Variants in PDGFC observed in about 807,000 individuals in gnomAD.
The protein encoded by PDGFC is platelet-derived growth factor C.
In PDGFC, 12 loss-of-function variants were observed where a neutral mutation model predicts 35.5. The observed-to-expected ratio is 0.34, with a 90% CI of 0.22 to 0.55. The LOEUF (loss-of-function observed/expected upper bound fraction) is 0.55, where lower values mean the gene tolerates loss of function less well. Ranked by LOEUF, PDGFC falls within the 20% of genes least tolerant of loss-of-function variation. PDGFC has a pLI of 0.91. For synonymous variants in PDGFC, 159 were observed against 148.8 expected, an observed-to-expected ratio of 1.07 and a Z score of -0.50; for missense variants, 322 against 412.4, an observed-to-expected ratio of 0.78 and a Z score of 1.90.
chr4:156,922,154 TAGTG>T, intron 1 of PDGFC, among the ~76,000 whole-genome samples: 1 of 86,598 alleles, frequency 1.2e-5, no homozygotes, highest in South Asian at 4.4e-4. Context: ...CAAGGATTCA[TAGTG>T]TGTGTGTGTG....
intron 2 of PDGFC, among the ~76,000 whole-genome samples, chr4:156,834,103 T>C (rs1729007612): frequency 6.6e-6 from 1 of 152,174 alleles, no homozygotes; most frequent in South Asian, 2.1e-4. Flanking sequence ...TTTTTCCTTC[T>C]TTGTATATTA....
chr4:156,940,607 T>C (rs1411604024), intron 1 of PDGFC, among the ~76,000 whole-genome samples: 1 of 152,124 alleles, frequency 6.6e-6, no homozygotes, highest in Non-Finnish European at 1.5e-5. Flanking sequence ...ATACCCAATG[T>C]CTAAGGTTCT....
intron 4 of PDGFC, among the ~76,000 whole-genome samples, chr4:156,770,855 G>A (rs1016028336): frequency 6.6e-6 from 1 of 152,112 alleles, no homozygotes; most frequent in Non-Finnish European, 1.5e-5. Flanking sequence ...TCTGAGGGTG[G>A]TCTTTCTAAG....
chr4:156,867,566 G>A (rs1369062491), intron 1 of PDGFC, among the ~76,000 whole-genome samples: 4 of 152,154 alleles, frequency 2.6e-5, no homozygotes, highest in Non-Finnish European at 2.9e-5. Context: ...CAATTCAAGA[G>A]TATTCATGTA....
chr4:156,807,170 T>C (rs1403011306), intron 3 of PDGFC, among the ~76,000 whole-genome samples: 1 of 152,056 alleles, frequency 6.6e-6, no homozygotes. Flanking sequence ...GACTGGAGAA[T>C]AATATTTCTA....
chr4:156,779,658 C>G (rs1348350570), intron 3 of PDGFC, among the ~76,000 whole-genome samples: 2 of 152,134 alleles, frequency 1.3e-5, no homozygotes, highest in Non-Finnish European at 2.9e-5. Flanking sequence ...GCTAATTTTG[C>G]CCAAAGTGTT....
intron 1 of PDGFC, among the ~76,000 whole-genome samples, chr4:156,903,714 G>C (rs1279409572): frequency 2.0e-5 from 3 of 152,124 alleles, no homozygotes; most frequent in African/African-American, 7.2e-5. Context: ...ATAAATCCAA[G>C]TGTGCAATTA....
intron 1 of PDGFC, among the ~76,000 whole-genome samples, chr4:156,955,879 C>CT (rs2110955182): frequency 6.6e-6 from 1 of 152,132 alleles, no homozygotes; most frequent in South Asian, 2.1e-4. Flanking sequence ...GCTTTGTACT[C>CT]TCTCACAAGT....
intron 1 of PDGFC, among the ~76,000 whole-genome samples, chr4:156,950,722 GA>G (rs1026907809): frequency 6.7e-6 from 1 of 150,372 alleles, no homozygotes; most frequent in African/African-American, 2.4e-5. Flanking sequence ...TGTTAAATCA[GA>G]AAAAAAATCT....
chr4:156,838,060 C>G (rs1175106175), intron 2 of PDGFC, among the ~76,000 whole-genome samples: 2 of 151,984 alleles, frequency 1.3e-5, no homozygotes, highest in Non-Finnish European at 2.9e-5. Context: ...TAACTACATT[C>G]AAAAGAGTTG....
chr4:156,928,623 C>T (rs563187002), intron 1 of PDGFC, among the ~76,000 whole-genome samples: 83 of 152,278 alleles, frequency 5.5e-4, no homozygotes, highest in Middle Eastern at 3.4e-3. Flanking sequence ...AGAGATATTG[C>T]ACCCCAATCC....
At chr4:156,908,102 G>A (rs926831360) in intron 1 of PDGFC, among the ~76,000 whole-genome samples, 4 of 152,114 alleles carry the variant, frequency 2.6e-5, no homozygotes, top group Admixed American at 2.0e-4. Flanking sequence ...GGAAGCGGAG[G>A]TTGCAGTGAG....
chr4:156,938,447 T>G (rs2110899278), intron 1 of PDGFC, among the ~76,000 whole-genome samples: 1 of 152,226 alleles, frequency 6.6e-6, no homozygotes, highest in South Asian at 2.1e-4. Context: ...CCCATAAAAC[T>G]TTATACATTT....
chr4:156,795,893 G>T (rs1395403625), intron 3 of PDGFC, among the ~76,000 whole-genome samples: 1 of 152,146 alleles, frequency 6.6e-6, no homozygotes, highest in Admixed American at 6.5e-5. Flanking sequence ...TAAAGCTGTA[G>T]ATTATATCTT....
At chr4:156,767,058 C>T (rs1730558375) in intron 5 of PDGFC, among the ~76,000 whole-genome samples, 1 of 152,006 alleles carries the variant, frequency 6.6e-6, no homozygotes, top group Non-Finnish European at 1.5e-5. Flanking sequence ...TTCAAGTTGA[C>T]TCATCAAGAA....
intron 1 of PDGFC, among the ~76,000 whole-genome samples, chr4:156,949,521 AG>A (rs1416991748): frequency 6.6e-6 from 1 of 151,788 alleles, no homozygotes; most frequent in Non-Finnish European, 1.5e-5. Context: ...AACTGGCCTC[AG>A]GAAATTATTA....
intron 1 of PDGFC, among the ~76,000 whole-genome samples, chr4:156,874,348 T>C (rs76692021): frequency 0.011 from 1,623 of 152,318 alleles, 23 homozygotes; most frequent in African/African-American, 0.037. Context: ...CTCTGTAATA[T>C]TTATTTGAAT....
At chr4:156,808,984 T>C (rs1254549556) in intron 3 of PDGFC, among the ~76,000 whole-genome samples, 1 of 152,060 alleles carries the variant, frequency 6.6e-6, no homozygotes, top group African/African-American at 2.4e-5. Flanking sequence ...CTTACACTTA[T>C]TAGGCAATGT....
chr4:156,804,266 C>A (rs1469858088), intron 3 of PDGFC, among the ~76,000 whole-genome samples: 1 of 151,672 alleles, frequency 6.6e-6, no homozygotes. Flanking sequence ...AAAAAGTAAT[C>A]GTATTCTGAT....
Sources: gnomAD v4.1 joint callset for allele counts (sites outside exome capture counted in the v4.1 genomes callset) on GRCh38, gnomAD v4.1.1 for gene constraint, MANE v1.5 for transcripts, NCBI Gene and HGNC (gene_info 2026-07-23, HGNC 2026-07-21) for gene names.